Variants in AGBL4 observed in about 807,000 individuals in gnomAD.
The protein encoded by AGBL4 is AGBL carboxypeptidase 4, also known as cytosolic carboxypeptidase 6.
Under a neutral mutation model 66.4 loss-of-function variants are expected in AGBL4, and 58 were observed. That is an observed-to-expected ratio of 0.87 (90% CI 0.71 to 1.09). AGBL4 has a LOEUF of 1.09. AGBL4 is among the 50% of genes least tolerant of loss of function. AGBL4 has a pLI of 0.00. For synonymous variants in AGBL4, 234 were observed against 222.9 expected, an observed-to-expected ratio of 1.05 and a Z score of -0.44; for missense variants, 579 against 631.0, an observed-to-expected ratio of 0.92 and a Z score of 0.88.
At chr1:49,017,486 T>C (rs897474138) in intron 5 of AGBL4, among the ~76,000 whole-genome samples, 1 of 152,188 alleles carries the variant, frequency 6.6e-6, no homozygotes, top group Non-Finnish European at 1.5e-5. Context: ...TATCATCTAA[T>C]GGAGATATTT....
intron 6 of AGBL4, among the ~76,000 whole-genome samples, chr1:48,851,366 C>A (rs536131032): frequency 6.6e-6 from 1 of 152,166 alleles, no homozygotes; most frequent in Non-Finnish European, 1.5e-5. Flanking sequence ...GTGGGACCAA[C>A]ACGAGCATGT....
chr1:49,530,973 G>T (rs943490063), intron 3 of AGBL4, among the ~76,000 whole-genome samples: 1 of 152,060 alleles, frequency 6.6e-6, no homozygotes, highest in African/African-American at 2.4e-5. Context: ...AGATGAAATA[G>T]TATATGTAAA....
chr1:48,606,005 C>A (rs1569977531), intron 9 of AGBL4, among the ~76,000 whole-genome samples: 1 of 152,114 alleles, frequency 6.6e-6, no homozygotes, highest in African/African-American at 2.4e-5. Flanking sequence ...TGAGGTGTTA[C>A]GTAAAACCCC....
intron 3 of AGBL4, among the ~76,000 whole-genome samples, chr1:49,321,191 C>A (rs562869242): frequency 5.9e-5 from 9 of 152,166 alleles, no homozygotes; most frequent in Non-Finnish European, 8.8e-5. Flanking sequence ...TCCTCCCTGC[C>A]TTTGACCCCA....
intron 6 of AGBL4, among the ~76,000 whole-genome samples, chr1:48,666,366 A>C (rs1372571315): frequency 3.3e-5 from 5 of 152,186 alleles, no homozygotes; most frequent in Non-Finnish European, 7.3e-5. Flanking sequence ...GAGACCAAGA[A>C]CAACTCATAA....
rs147125996 is a variant in AGBL4 at position 49,580,707 on chromosome 1, C to T, written c.282+116606G>A. On this transcript the variant is annotated intron_variant, in intron 3 of 13. Coordinates refer to ENST00000371839, the MANE Select transcript of AGBL4 (RefSeq NM_032785.4). Reference sequence around the variant, plus strand: ...TTTTTTTCTTTCAGTACTTTGAATACGTCATCCCATTCTATTCTGGCCTGT... The same window carrying T: ...TTTTTTTCTTTCAGTACTTTGAATATGTCATCCCATTCTATTCTGGCCTGT... Among the ~76,000 whole-genome samples, 25 of 152,230 alleles carry T rather than the reference C, an allele frequency of 1.6e-4. No individual in the cohort carries two copies. In the East Asian group the frequency reaches 3.9e-3, roughly 24 times the overall value.
Position 49,947,573 on chromosome 1 carries a change from C to G in AGBL4, c.34+76190G>C, listed in dbSNP as rs540224838. On this transcript the variant is annotated intron_variant, in intron 1 of 13. Coordinates refer to ENST00000371839, the MANE Select transcript of AGBL4 (RefSeq NM_032785.4). Reference sequence around the variant, plus strand: ...TAAAAAAAAGCCATCTATGACAAATCCACAGCCAACATTATACTGAATTGG... The same window carrying G: ...TAAAAAAAAGCCATCTATGACAAATGCACAGCCAACATTATACTGAATTGG... 1.6e-4 allele frequency among the ~76,000 whole-genome samples: 25 copies of G among 151,746 alleles called. 1 individual carries two copies. The South Asian group carries it at 5.2e-3, about 32-fold the overall frequency.
chr1:49,750,912 T>C (rs1651407682), intron 2 of AGBL4, among the ~76,000 whole-genome samples: 1 of 152,118 alleles, frequency 6.6e-6, no homozygotes, highest in South Asian at 2.1e-4. Flanking sequence ...TGTATACAAA[T>C]GATGCGATTT....
At chr1:49,085,376 C>T (rs1251091420) in intron 4 of AGBL4, among the ~76,000 whole-genome samples, 1 of 151,966 alleles carries the variant, frequency 6.6e-6, no homozygotes, top group Non-Finnish European at 1.5e-5. Context: ...CCCTGGTTCT[C>T]AGGCCTTTTG....
chr1:49,163,327 T>C (rs1341209788), intron 4 of AGBL4, among the ~76,000 whole-genome samples: 2 of 152,198 alleles, frequency 1.3e-5, no homozygotes, highest in African/African-American at 2.4e-5. Context: ...AGGTTGCTGA[T>C]CCACCATTCT....
intron 3 of AGBL4, among the ~76,000 whole-genome samples, chr1:49,376,500 T>A (rs556089970): frequency 6.6e-6 from 1 of 152,162 alleles, no homozygotes; most frequent in South Asian, 2.1e-4. Context: ...AGTAAGAGCT[T>A]CCTCCCCTTA....
chr1:48,524,079 T>G, the AGBL4 span, among the ~76,000 whole-genome samples: 1 of 152,174 alleles, frequency 6.6e-6, no homozygotes, highest in South Asian at 2.1e-4. Flanking sequence ...TGTGACTGTA[T>G]TTCACAGCTG....
chr1:49,392,738 A>AT (rs1223326696), intron 3 of AGBL4, among the ~76,000 whole-genome samples: 1 of 150,144 alleles, frequency 6.7e-6, no homozygotes, highest in Admixed American at 6.6e-5. Context: ...CACACACATC[A>AT]TATACATGCA....
chr1:49,517,495 G>A (rs371301720), intron 3 of AGBL4, among the ~76,000 whole-genome samples: 2 of 151,854 alleles, frequency 1.3e-5, no homozygotes, highest in Non-Finnish European at 2.9e-5. Context: ...AGAAGAATGA[G>A]GGTCAGAGAA....
At chr1:49,983,862 C>T (rs1659285454) in intron 1 of AGBL4, among the ~76,000 whole-genome samples, 2 of 152,172 alleles carry the variant, frequency 1.3e-5, no homozygotes, top group African/African-American at 2.4e-5. Flanking sequence ...GAATGGGCTC[C>T]CTGTGGCCCA....
intron 3 of AGBL4, among the ~76,000 whole-genome samples, chr1:49,271,277 A>G (rs1332225091): frequency 6.6e-6 from 1 of 152,138 alleles, no homozygotes; most frequent in African/African-American, 2.4e-5. Context: ...GACCCCAGAA[A>G]ATATGGCCAG....
intron 4 of AGBL4, among the ~76,000 whole-genome samples, chr1:49,211,897 C>T (rs1053942666): frequency 5.9e-5 from 9 of 152,074 alleles, no homozygotes; most frequent in African/African-American, 1.9e-4. Context: ...CATCACCACC[C>T]TGGCAGCTAC....
chr1:48,776,546 C>G, intron 6 of AGBL4: 2 of 1,250,466 alleles, frequency 1.6e-6, no homozygotes, highest in Non-Finnish European at 2.1e-6. Flanking sequence ...GGCCCCCGGC[C>G]CCTCCCGGGG....
chr1:48,728,072 G>A, intron 6 of AGBL4: 4 of 1,535,766 alleles, frequency 2.6e-6, no homozygotes, highest in Non-Finnish European at 3.5e-6. Flanking sequence ...CAAGGCCAAG[G>A]ATTAATGGTG....
Sources: allele counts gnomAD v4.1 joint callset (sites outside exome capture counted in the v4.1 genomes callset), GRCh38; gene constraint gnomAD v4.1.1; transcripts MANE v1.5; gene names NCBI Gene and HGNC (gene_info 2026-07-23, HGNC 2026-07-21).